UBR7: variants seen among roughly 807,000 people sequenced by gnomAD.
The protein encoded by UBR7 is putative E3 ubiquitin-protein ligase UBR7.
Under a neutral mutation model 57.0 loss-of-function variants are expected in UBR7, and 22 were observed. The observed-to-expected ratio is 0.39, with a 90% CI of 0.28 to 0.55. The LOEUF (loss-of-function observed/expected upper bound fraction) is 0.55, where lower values mean the gene tolerates loss of function less well. Ranked by LOEUF, UBR7 falls within the 20% of genes least tolerant of loss-of-function variation. The pLI is 0.69. For missense variants in UBR7, 395 were observed against 513.2 expected, an observed-to-expected ratio of 0.77 and a Z score of 2.23; for synonymous variants, 167 against 179.8, an observed-to-expected ratio of 0.93 and a Z score of 0.57.
At chr14:93,221,926 G>C (rs1894716598) in intron 9 of UBR7, among the ~76,000 whole-genome samples, 2 of 152,028 alleles carry the variant, frequency 1.3e-5, no homozygotes, top group Non-Finnish European at 2.9e-5. Flanking sequence ...ATTCCAGCCT[G>C]GGTGACAGAG....
rs185238745 is a variant in UBR7, at chr14:93,211,534, G to A, written c.346-498G>A. 2.2e-4 allele frequency among the ~76,000 whole-genome samples: 34 copies of A among 151,126 alleles called. No individual in the cohort carries two copies. The East Asian group carries it at 4.9e-3, about 22-fold the overall frequency. On this transcript the variant is annotated intron_variant, in intron 3 of 10. Coordinates refer to ENST00000013070, the MANE Select transcript of UBR7 (RefSeq NM_175748.4). ...CGCACTCCAGCCTGGGCGACAGAGCGAGACTCCATCTCAAAAAAAAAAGAA... is the reference window on the plus strand; with the variant it reads ...CGCACTCCAGCCTGGGCGACAGAGCAAGACTCCATCTCAAAAAAAAAAGAA...
intron 1 of UBR7, among the ~76,000 whole-genome samples, chr14:93,208,390 C>A (rs1894411653): frequency 6.6e-6 from 1 of 151,580 alleles, no homozygotes; most frequent in Non-Finnish European, 1.5e-5. Flanking sequence ...GTTGAATAAA[C>A]CTGGTATCCA....
Position 93,227,155 on chromosome 14 carries a change from C to A in UBR7, c.*120C>A. ...TCCTCCTCTGTTTGGAGAGGCCTCG[C>A]GCTCCCTTCATTCTCTTTAGCTGCA... On this transcript the variant is annotated 3_prime_UTR_variant, in exon 11 of 11. Transcript: ENST00000013070. 1 of 733,208 alleles carries A rather than the reference C, an allele frequency of 1.4e-6. No individual in the cohort carries two copies. The highest frequency in any genetic ancestry group is 3.0e-5 in the East Asian group (1 of 32,880). The allele number at this position is 733,208 out of a possible 1,614,324, so 45.4% of individuals were successfully genotyped here. A position where few individuals can be genotyped will look rare whatever the true frequency, so the allele number is the denominator to read the frequency against.
intron 7 of UBR7, 84 bp downstream of exon 7, chr14:93,218,819 G>A: frequency 7.0e-7 from 1 of 1,425,904 alleles, no homozygotes; most frequent in Non-Finnish European, 9.7e-7. Context: ...ACTTTGGGAG[G>A]CTGAGGTGGC....
At chr14:93,211,171 C>T (rs776615745) in intron 3 of UBR7, among the ~76,000 whole-genome samples, 5 of 151,696 alleles carry the variant, frequency 3.3e-5, no homozygotes, top group Non-Finnish European at 5.9e-5. Flanking sequence ...ACCCAGGAGG[C>T]GGAGGTTGCA....
rs111686048 is a variant in UBR7, at chr14:93,228,001, T to C, written c.*966T>C. On this transcript the variant is annotated 3_prime_UTR_variant, in exon 11 of 11. Transcript: ENST00000013070. ...TAGAACCCCAATAAATTATTATTTTTCCCCCTTGAATCTGCTAAAGAAAAC... is the reference window on the plus strand; with the variant it reads ...TAGAACCCCAATAAATTATTATTTTCCCCCCTTGAATCTGCTAAAGAAAAC... 55 of 699,056 alleles carry C rather than the reference T, an allele frequency of 7.9e-5. No individual in the cohort carries two copies. The African/African-American group carries it at 8.9e-4, about 11-fold the overall frequency. The allele number at this position is 699,056 out of a possible 1,614,324, so 43.3% of individuals were successfully genotyped here.
At chr14:93,207,474 G>A in intron 1 of UBR7, 33 bp downstream of exon 1, 1 of 1,518,420 alleles carries the variant, frequency 6.6e-7, no homozygotes, top group Non-Finnish European at 8.8e-7. Context: ...CTCTCCCCCG[G>A]CTCCCGCCGA....
Position 93,218,627 on chromosome 14 carries a change from T to C in UBR7, c.702T>C (p.Ser234=). ...CTGAAAATGGAGAGCATCAAGATAGTACCCTCAAAGAGGATGTTCCAGAAC... is the reference window on the plus strand; with the variant it reads ...CTGAAAATGGAGAGCATCAAGATAGCACCCTCAAAGAGGATGTTCCAGAAC... ...IKPENGEHQD[S]TLKEDVPEQG... is the part of the protein sequence containing the mutation. The change falls in exon 7 of 11, where the codon AGT becomes AGC. Residue 234 remains serine (S), a synonymous_variant. Coordinates refer to ENST00000013070, the MANE Select transcript of UBR7 (RefSeq NM_175748.4). The C allele has an allele frequency of 6.2e-7, 1 of 1,614,138 alleles. No individual in the cohort carries two copies. The highest frequency in any genetic ancestry group is 1.1e-5 in the South Asian group (1 of 91,086).
intron 1 of UBR7, among the ~76,000 whole-genome samples, chr14:93,208,330 C>G (rs1300008033): frequency 6.6e-6 from 1 of 152,028 alleles, no homozygotes; most frequent in African/African-American, 2.4e-5. Flanking sequence ...GATCATAATA[C>G]CAGTTCTCGT....
chr14:93,209,682 TA>T, intron 1 of UBR7, 141 bp from the exon 2 acceptor site: 1 of 1,117,580 alleles, frequency 8.9e-7, no homozygotes, highest in Non-Finnish European at 1.3e-6. Flanking sequence ...CTCTGTTGTG[TA>T]AACTTTTTAG....
rs1431166577 is a variant in UBR7 at position 93,207,387 on chromosome 14, T to G, written c.96T>G (p.Asn32Lys). The change falls in exon 1 of 11, where the codon AAT becomes AAG. Residue 32 changes from asparagine to lysine, a missense_variant. Asn to Lys is a moderately conservative substitution (Grantham distance 94, BLOSUM62 0). Transcript: ENST00000013070. ...TTGAGGAGGACGAGGAGCTGGAGAATGAGGCGTGCGCTGTCCTGGGCGGCA... is the reference window on the plus strand; with the variant it reads ...TTGAGGAGGACGAGGAGCTGGAGAAGGAGGCGTGCGCTGTCCTGGGCGGCA... ...DVLEEDEELENEACAVLGGSD... is the reference protein window; with the variant it reads ...DVLEEDEELEKEACAVLGGSD... The G allele has an allele frequency of 4.5e-6, 7 of 1,555,146 alleles. No individual in the cohort carries two copies. The highest frequency in any genetic ancestry group is 6.1e-6 in the Non-Finnish European group (7 of 1,150,466).
chr14:93,225,752 T>C (rs577210709), intron 10 of UBR7, among the ~76,000 whole-genome samples: 56 of 152,372 alleles, frequency 3.7e-4, no homozygotes, highest in African/African-American at 1.3e-3. Flanking sequence ...GCACGTTAGC[T>C]GTGACCATTT....
intron 1 of UBR7, 101 bp from the exon 2 acceptor site, chr14:93,209,723 C>A: frequency 2.1e-6 from 3 of 1,429,844 alleles, no homozygotes; most frequent in Admixed American, 2.0e-5. Context: ...AAGATCTTGA[C>A]CACAGATAAT....
chr14:93,214,795 C>A, intron 4 of UBR7, 134 bp from the exon 5 acceptor site: 1 of 778,658 alleles, frequency 1.3e-6, no homozygotes, highest in Non-Finnish European at 2.2e-6. Flanking sequence ...TTGTAAAGTG[C>A]TTATCTCAAT....
chr14:93,224,034 T>C, intron 10 of UBR7: 3 of 955,428 alleles, frequency 3.1e-6, no homozygotes, highest in Non-Finnish European at 5.0e-6. Context: ...ACAACGTGAT[T>C]AGGCGCAAAG....
chr14:93,215,386 T>C (rs2140101191), intron 6 of UBR7, 105 bp downstream of exon 6: 2 of 1,017,980 alleles, frequency 2.0e-6, no homozygotes, highest in South Asian at 1.4e-5. Flanking sequence ...TCTGTGGTTA[T>C]AAAATAGTAT....
chr14:93,222,639 A>C (rs1336518794), intron 10 of UBR7, among the ~76,000 whole-genome samples: 1 of 151,916 alleles, frequency 6.6e-6, no homozygotes, highest in East Asian at 1.9e-4. Context: ...GCTACTAGGG[A>C]GGCTGAGGCA....
rs182774298 is a variant in UBR7 at position 93,227,460 on chromosome 14, C to T, written c.*425C>T. On this transcript the variant is annotated 3_prime_UTR_variant, in exon 11 of 11. Coordinates refer to ENST00000013070, the MANE Select transcript of UBR7 (RefSeq NM_175748.4). ...GCTCTCTTCCCGTCACCTAGAACCT[C>T]TACAGGTCCCCTCGCCCCTATGATC... 4 of 687,712 alleles carry T rather than the reference C, an allele frequency of 5.8e-6. No homozygotes were observed. In the Admixed American group the frequency reaches 8.1e-5, roughly 14 times the overall value. 42.6% of individuals were successfully genotyped at this position (687,712 alleles called of 1,614,324 possible). A position where few individuals can be genotyped will look rare whatever the true frequency, so the allele number is the denominator to read the frequency against.
chr14:93,220,395 A>G lies in UBR7; in HGVS notation c.1107A>G (p.Gln369=). Reference sequence around the variant, plus strand: ...TTAGCAGCATGAATAGAGTCCAGCAAGTGGAACTCATTTGTGGTAAATACT... The same window carrying G: ...TTAGCAGCATGAATAGAGTCCAGCAGGTGGAACTCATTTGTGGTAAATACT... ...DTLSSMNRVQ[Q]VELICEYNDL... The change falls in exon 9 of 11, where the codon CAA becomes CAG. Residue 369 remains glutamine (Q), a synonymous_variant. Transcript: ENST00000013070. 1.2e-6 allele frequency: 2 copies of G among 1,614,136 alleles called. No individual in the cohort carries two copies. The highest frequency in any genetic ancestry group is 3.3e-5 in the Admixed American group (2 of 60,016).
Sources: gnomAD v4.1 joint callset for allele counts (sites outside exome capture counted in the v4.1 genomes callset) on GRCh38, gnomAD v4.1.1 for gene constraint, MANE v1.5 for transcripts, NCBI Gene and HGNC (gene_info 2026-07-23, HGNC 2026-07-21) for gene names.